ZMYND8: variants seen among roughly 807,000 people sequenced by gnomAD.
ZMYND8 encodes the protein MYND-type zinc finger-containing chromatin reader ZMYND8.
ZMYND8 carries 37 observed loss-of-function variants against 140.8 expected under a neutral mutation model. That is an observed-to-expected ratio of 0.26 (90% confidence interval 0.20 to 0.35). The LOEUF (loss-of-function observed/expected upper bound fraction) is 0.35, where lower values mean the gene tolerates loss of function less well. ZMYND8 is among the 10% of genes least tolerant of loss of function. The pLI, the probability that ZMYND8 is intolerant of heterozygous loss-of-function variation, is 1.00. For missense variants in ZMYND8, 1,068 were observed against 1,570.0 expected (o/e 0.68, Z 5.40); for synonymous variants, 592 against 597.1 (o/e 0.99, Z 0.12).
chr20:47,269,822 T>C (rs1247183911), intron 11 of ZMYND8, among the ~76,000 whole-genome samples: 3 of 152,240 alleles, frequency 2.0e-5, no homozygotes, highest in African/African-American at 7.2e-5. Flanking sequence ...GTGCCGCACC[T>C]TGCACAACTC....
chr20:47,350,255 T>C (rs1303619570), intron 1 of ZMYND8, among the ~76,000 whole-genome samples: 1 of 144,716 alleles, frequency 6.9e-6, no homozygotes, highest in African/African-American at 2.5e-5. Context: ...TGCACACACA[T>C]GCACGCACAC....
At chr20:47,311,511 T>G (rs2078929484) in intron 2 of ZMYND8, among the ~76,000 whole-genome samples, 1 of 152,080 alleles carries the variant, frequency 6.6e-6, no homozygotes, top group Non-Finnish European at 1.5e-5. Flanking sequence ...CTGTTTCAAG[T>G]GCTTTGGGTA....
At chr20:47,266,642 T>G (rs2075548602) in intron 11 of ZMYND8, among the ~76,000 whole-genome samples, 1 of 152,152 alleles carries the variant, frequency 6.6e-6, no homozygotes, top group Non-Finnish European at 1.5e-5. Context: ...CAGGAAGAAC[T>G]CTGCACTCCT....
intron 18 of ZMYND8, 21 bp from the exon 19 acceptor site, chr20:47,224,577 C>T: frequency 6.2e-7 from 1 of 1,610,210 alleles, no homozygotes; most frequent in African/African-American, 1.3e-5. Flanking sequence ...AGGGGAAGAA[C>T]ACCGCTCATC....
In ZMYND8 at chr20:47,349,943, G is replaced by C. The variant is rs1292469644; in HGVS notation, c.15-2017C>G. ...CTGCATTCAAGGGAACCATTATTTG[G>C]CTTGTAACAGCCTAGAGGAGCTGAA... On this transcript the variant is annotated intron_variant, in intron 1 of 22. Coordinates refer to ENST00000471951, the MANE Select transcript of ZMYND8 (RefSeq NM_001281775.3). 3.3e-6 allele frequency: 5 copies of C among 1,535,204 alleles called. No individual in the cohort carries two copies. The East Asian group carries it at 9.8e-5, about 30-fold the overall frequency.
intron 8 of ZMYND8, chr20:47,285,644 T>C: frequency 2.4e-5 from 23 of 975,950 alleles, no homozygotes; most frequent in Non-Finnish European, 2.8e-5. Context: ...AGTAGTTTTA[T>C]TCCTAAAAAT....
At chr20:47,238,731 C>T (rs745452818) in intron 15 of ZMYND8, 27 bp downstream of exon 15, 1 of 1,593,954 alleles carries the variant, frequency 6.3e-7, no homozygotes, top group Non-Finnish European at 8.5e-7. Context: ...GCGGGCGCCA[C>T]GGAGAACAGA....
intron 2 of ZMYND8, among the ~76,000 whole-genome samples, chr20:47,310,786 GAAAAAA>G (rs1169707543): frequency 2.2e-4 from 17 of 76,840 alleles, no homozygotes; most frequent in African/African-American, 7.4e-4. Flanking sequence ...CCTCCGACGT[GAAAAAA>G]AAAAAAAAAA....
intron 9 of ZMYND8, among the ~76,000 whole-genome samples, 160 bp from the exon 10 acceptor site, chr20:47,282,377 A>G (rs2235588): frequency 0.33 from 50,607 of 152,044 alleles, 9,049 homozygotes; most frequent in South Asian, 0.47. Context: ...CCTAAAAGGT[A>G]TGTGGCCAAG....
In ZMYND8 at chr20:47,339,776, G is replaced by A. The variant is rs185013469; in HGVS notation, c.85+8080C>T. On this transcript the variant is annotated intron_variant, in intron 2 of 22. Transcript: ENST00000471951. ...CAGGCGTGAGTGAGGCACCACACCCGGCCCCAAGAACCATTCTGAGCATTC... is the reference window on the plus strand; with the variant it reads ...CAGGCGTGAGTGAGGCACCACACCCAGCCCCAAGAACCATTCTGAGCATTC... Among the ~76,000 whole-genome samples the A allele has an allele frequency of 4.6e-5, 7 of 151,892 alleles. No homozygotes were observed. The East Asian group carries it at 1.4e-3, about 30-fold the overall frequency.
intron 2 of ZMYND8, among the ~76,000 whole-genome samples, chr20:47,332,623 T>C (rs2081049291): frequency 1.3e-5 from 2 of 152,214 alleles, no homozygotes; most frequent in East Asian, 1.9e-4. Context: ...GATGGGAGGA[T>C]TGCTTGAGCC....
intron 2 of ZMYND8, among the ~76,000 whole-genome samples, chr20:47,310,529 G>A (rs1485532265): frequency 2.0e-5 from 3 of 152,072 alleles, no homozygotes; most frequent in African/African-American, 7.2e-5. Context: ...CAGGCACGGT[G>A]GCTCATGCCT....
At chr20:47,324,380 A>T (rs1160343420) in intron 2 of ZMYND8, among the ~76,000 whole-genome samples, 1 of 146,916 alleles carries the variant, frequency 6.8e-6, no homozygotes, top group Non-Finnish European at 1.5e-5. Flanking sequence ...TTAGCCAGGC[A>T]TGGTGGCGGG....
At position 47,321,887 on chromosome 20, in the gene ZMYND8, G is replaced by A. The variant is rs1217046065; in HGVS notation, c.86-11683C>T. 1.2e-4 allele frequency among the ~76,000 whole-genome samples: 15 copies of A among 125,592 alleles called. No homozygotes were observed. In the Admixed American group the frequency reaches 1.3e-3, roughly 11 times the overall value. 82.4% of individuals were successfully genotyped at this position (125,592 alleles called of 152,430 possible). A position where few individuals can be genotyped will look rare whatever the true frequency, so the allele number is the denominator to read the frequency against. ...TTTTTTTTTTTTTTTTTGAAACAGAGTCTCACTCTGTCACCTAGGCTGGAG... is the reference window on the plus strand; with the variant it reads ...TTTTTTTTTTTTTTTTTGAAACAGAATCTCACTCTGTCACCTAGGCTGGAG... On this transcript the variant is annotated intron_variant, in intron 2 of 22. Coordinates refer to ENST00000471951, the MANE Select transcript of ZMYND8 (RefSeq NM_001281775.3).
rs79596179 is a variant in ZMYND8 at position 47,296,911 on chromosome 20, C to T, written c.453+1818G>A. 1.9e-4 allele frequency among the ~76,000 whole-genome samples: 29 copies of T among 152,130 alleles called. No individual in the cohort carries two copies. The East Asian group carries it at 4.6e-3, about 24-fold the overall frequency. On this transcript the variant is annotated intron_variant, in intron 4 of 22. Transcript: ENST00000471951. Reference sequence around the variant, plus strand: ...GTCAGGGCTGCAGTGAGCAAGATCTCGTTACTGCACTCCAGCCTGGGCAAC... The same window carrying T: ...GTCAGGGCTGCAGTGAGCAAGATCTTGTTACTGCACTCCAGCCTGGGCAAC...
chr20:47,233,834 G>A (rs1431830891), intron 16 of ZMYND8, among the ~76,000 whole-genome samples: 2 of 152,224 alleles, frequency 1.3e-5, no homozygotes, highest in African/African-American at 4.8e-5. Context: ...CTAGCCTAGA[G>A]TAAATGCTAT....
chr20:47,340,282 CA>C lies in ZMYND8; in HGVS notation c.85+7573del, dbSNP rs1346651640. On this transcript the variant is annotated intron_variant, in intron 2 of 22. Coordinates refer to ENST00000471951, the MANE Select transcript of ZMYND8 (RefSeq NM_001281775.3). ...TAAATCTCAATGACACCTTGCCTCT[CA>C]AATCATTGGGGTAAGTAAGAATGGT... 2.0e-5 allele frequency among the ~76,000 whole-genome samples: 3 copies of C among 150,206 alleles called. No homozygotes were observed. In the South Asian group the frequency reaches 6.2e-4, roughly 31 times the overall value.
At chr20:47,270,404 G>A (rs75961171) in intron 11 of ZMYND8, among the ~76,000 whole-genome samples, 1 of 133,104 alleles carries the variant, frequency 7.5e-6, no homozygotes, top group Non-Finnish European at 1.6e-5. Flanking sequence ...TTTTTTTAAT[G>A]TATAAAAATA....
chr20:47,346,908 C>T (rs567469250), intron 2 of ZMYND8, among the ~76,000 whole-genome samples: 54 of 152,306 alleles, frequency 3.5e-4, no homozygotes, highest in African/African-American at 1.2e-3. Flanking sequence ...CCTGGCGACA[C>T]GCTGTCTTGT....
Sources: gnomAD v4.1 joint callset for allele counts (sites outside exome capture counted in the v4.1 genomes callset) on GRCh38, gnomAD v4.1.1 for gene constraint, MANE v1.5 for transcripts, NCBI Gene and HGNC (gene_info 2026-07-23, HGNC 2026-07-21) for gene names.